The following KDM3A variants were observed in gnomAD, a reference collection of about 807,000 sequenced individuals.
KDM3A encodes the protein lysine demethylase 3A.
A neutral mutation model predicts 158.0 loss-of-function variants in KDM3A; 60 were observed. The ratio of observed to expected loss-of-function variants is 0.38; its 90% CI spans 0.31 to 0.47. The LOEUF is 0.47. KDM3A is among the 20% of genes least tolerant of loss of function. The pLI is 0.99. For missense variants in KDM3A, 1,319 were observed against 1,574.3 expected (o/e 0.84, Z 2.74); for synonymous variants, 608 against 549.3 (o/e 1.11, Z -1.49).
rs781642674 is a variant in KDM3A, at chr2:86,480,349, C to T, written c.2499C>T (p.Asn833=). ...WLADLTSGNV[N]KENKEKQPTM... ...CCGACCTAACCAGCGGGAATGTCAACAAGGAAAACAAGGGTGAGTGTTTCC... is the reference window on the plus strand; with the variant it reads ...CCGACCTAACCAGCGGGAATGTCAATAAGGAAAACAAGGGTGAGTGTTTCC... Residue 833 remains asparagine (N), a synonymous_variant, in exon 16 of 26, where the codon AAC becomes AAT. Transcript: ENST00000312912. 6.2e-7 allele frequency: 1 copy of T among 1,612,182 alleles called. No individual in the cohort carries two copies. The highest frequency in any genetic ancestry group is 1.1e-5 in the South Asian group (1 of 91,038).
chr2:86,466,695 C>G lies in KDM3A; in HGVS notation c.1331C>G (p.Pro444Arg). The G allele has an allele frequency of 6.2e-7, 1 of 1,613,938 alleles. No homozygotes were observed. The highest frequency in any genetic ancestry group is 8.5e-7 in the Non-Finnish European group (1 of 1,179,876). ...CTGCAGAAGCACCTAGAACATGCAC[C>G]TTCCCCATCGGATGTTTCAAATGCA... ...PELQKHLEHA[P>R]SPSDVSNAPE... The change falls in exon 10 of 26, where the codon CCT becomes CGT. Residue 444 changes from proline (P) to arginine (R), a missense_variant. By Grantham distance (103) the Pro-to-Arg change is moderately radical. This residue lies in a region of KDM3A where 652 missense variants were observed against 627.2 expected (regional missense o/e 1.04). Coordinates refer to ENST00000312912, the MANE Select transcript of KDM3A (RefSeq NM_018433.6).
Position 86,457,085 on chromosome 2 carries a change from A to G in KDM3A, c.843+14A>G, listed in dbSNP as rs762890657. 1.4e-6 allele frequency: 2 copies of G among 1,417,784 alleles called. No individual in the cohort carries two copies. The highest frequency in any genetic ancestry group is 1.9e-6 in the Non-Finnish European group (2 of 1,034,302). The allele number at this position is 1,417,784 out of a possible 1,614,324, so 87.8% of individuals were successfully genotyped here. Reference sequence around the variant, plus strand: ...TCTTGCTCTGAGGTAACCTTTATTTATGTCACTTGTGTAAAGCTTTCCTTA... The same window carrying G: ...TCTTGCTCTGAGGTAACCTTTATTTGTGTCACTTGTGTAAAGCTTTCCTTA... On this transcript the variant is annotated intron_variant, in intron 8 of 25. Coordinates refer to ENST00000312912, the MANE Select transcript of KDM3A (RefSeq NM_018433.6).
Position 86,456,426 on chromosome 2 carries a change from T to C in KDM3A, c.557-16T>C. 7.0e-7 allele frequency: 1 copy of C among 1,418,780 alleles called. No homozygotes were observed. Among genetic ancestry groups the C allele is most frequent in the Non-Finnish European group, 9.3e-7 (1 of 1,070,510 alleles). The allele number at this position is 1,418,780 out of a possible 1,614,324, so 87.9% of individuals were successfully genotyped here. The stretch of plus-strand genomic sequence containing the variant: ...GCAAATTGCTCTAAGATTTTTTTTT[T>C]TTTTTTTTTTTTAAGGTGACAAAAA... On this transcript the variant is annotated splice_polypyrimidine_tract_variant and intron_variant, in intron 5 of 25. Transcript: ENST00000312912.
At chr2:86,450,022 A>G in intron 3 of KDM3A, 60 bp downstream of exon 3, 3 of 1,498,516 alleles carry the variant, frequency 2.0e-6, no homozygotes, top group South Asian at 1.3e-5. Flanking sequence ...CATTGTGGGT[A>G]CAAAAGGAAT....
chr2:86,450,844 A>C (rs530487177), intron 3 of KDM3A, among the ~76,000 whole-genome samples: 1 of 152,296 alleles, frequency 6.6e-6, no homozygotes, highest in South Asian at 2.1e-4. Flanking sequence ...TTTTTGCATA[A>C]ATTTTTGGGA....
intron 4 of KDM3A, among the ~76,000 whole-genome samples, chr2:86,451,896 C>T (rs1672487174): frequency 6.6e-6 from 1 of 152,200 alleles, no homozygotes; most frequent in African/African-American, 2.4e-5. Context: ...TGTTTATATA[C>T]ATATATGTGC....
chr2:86,466,472 T>A lies in KDM3A; in HGVS notation c.1108T>A (p.Ser370Thr). 6.2e-7 allele frequency: 1 copy of A among 1,613,912 alleles called. No individual in the cohort carries two copies. Among genetic ancestry groups the A allele is most frequent in the Non-Finnish European group, 8.5e-7 (1 of 1,179,836 alleles). ...KPDVCKAGLL[S>T]KSSQIGTGDL... ...AGATGTCTGCAAAGCAGGGTTGCTC[T>A]CAAAGTCCTCTCAGATTGGAACTGG... The change falls in exon 10 of 26, where the codon TCA becomes ACA. Residue 370 changes from serine to threonine, a missense_variant. Transcript: ENST00000312912.
chr2:86,456,651 T>TA, intron 6 of KDM3A, 85 bp downstream of exon 6: 1 of 1,352,276 alleles, frequency 7.4e-7, no homozygotes, highest in Non-Finnish European at 1.0e-6. Context: ...AGGCACTAAA[T>TA]ACCTTTATTA....
chr2:86,485,641 T>G, intron 20 of KDM3A, 88 bp from the exon 21 acceptor site: 1 of 1,492,706 alleles, frequency 6.7e-7, no homozygotes, highest in East Asian at 2.3e-5. Flanking sequence ...GATTTGTTCC[T>G]TTTGGTGTAG....
chr2:86,460,691 G>GA (rs1158172827), intron 8 of KDM3A: 2 of 152,148 alleles, frequency 1.3e-5, no homozygotes, highest in African/African-American at 2.4e-5. Flanking sequence ...GGTTAGTTGG[G>GA]AAAGAGTCTG....
At chr2:86,449,571 C>G (rs547515799) in intron 2 of KDM3A, among the ~76,000 whole-genome samples, 6 of 152,234 alleles carry the variant, frequency 3.9e-5, no homozygotes, top group Admixed American at 3.9e-4. Context: ...GGGACACAGA[C>G]TGGCCCAAAA....
intron 21 of KDM3A, chr2:86,488,336 CT>C (rs1674288598): frequency 6.6e-6 from 1 of 152,164 alleles, no homozygotes; most frequent in Non-Finnish European, 1.5e-5. Flanking sequence ...CAGCTTTTAA[CT>C]TTTTGCCATA....
chr2:86,488,215 T>A (rs925771806), intron 21 of KDM3A: 6 of 152,202 alleles, frequency 3.9e-5, no homozygotes, highest in African/African-American at 1.4e-4. Context: ...TCTATTACAT[T>A]AATTGCTTTT....
chr2:86,442,237 C>T lies in KDM3A; in HGVS notation c.186+4C>T. 6 of 1,597,754 alleles carry T rather than the reference C, an allele frequency of 3.8e-6. No individual in the cohort carries two copies. In the South Asian group the frequency reaches 4.4e-5, roughly 12 times the overall value. ...CGTTACCAAGAAGGATCTGAAGGTA[C>T]AGGCGGCTCCGGGCCTCTGCCACCG... On this transcript the variant is annotated splice_donor_region_variant and intron_variant, in intron 2 of 25. Coordinates refer to ENST00000312912, the MANE Select transcript of KDM3A (RefSeq NM_018433.6).
At chr2:86,465,649 T>C (rs59183618) in intron 9 of KDM3A, among the ~76,000 whole-genome samples, 20,236 of 152,142 alleles carry the variant, frequency 0.13, 1,472 homozygotes, top group Middle Eastern at 0.16. Context: ...CCTCTAGCAG[T>C]CCTCTCATCT....
At position 86,463,645 on chromosome 2, in the gene KDM3A, C is replaced by A. The variant is rs1673013454; in HGVS notation, c.844-408C>A. ...GAGTCCTATGTGGTCTGGTCTCCTGCCAAACTATGCAGTAAGTGCGTGGTG... is the reference window on the plus strand; with the variant it reads ...GAGTCCTATGTGGTCTGGTCTCCTGACAAACTATGCAGTAAGTGCGTGGTG... On this transcript the variant is annotated intron_variant, in intron 8 of 25. Coordinates refer to ENST00000312912, the MANE Select transcript of KDM3A (RefSeq NM_018433.6). Among the ~76,000 whole-genome samples the A allele has an allele frequency of 2.6e-5, 4 of 152,228 alleles. No individual in the cohort carries two copies. The South Asian group carries it at 8.3e-4, about 31-fold the overall frequency.
intron 8 of KDM3A, 146 bp from the exon 9 acceptor site, chr2:86,463,907 C>T (rs780631140): frequency 2.0e-6 from 1 of 506,648 alleles, no homozygotes; most frequent in Non-Finnish European, 3.4e-6. Flanking sequence ...TATAGTTTAT[C>T]ACTTGTTTCA....
chr2:86,489,297 T>G (rs1558633766), intron 21 of KDM3A, 21 bp from the exon 22 acceptor site: 36 of 1,609,414 alleles, frequency 2.2e-5, no homozygotes, highest in Non-Finnish European at 3.1e-5. Flanking sequence ...TTGTAAAACT[T>G]AAGGCACTTT....
chr2:86,474,702 TGTGTGTGTGTGTGTGTGTGTG>T (rs1673578953), intron 11 of KDM3A, 53 bp from the exon 12 acceptor site: 8 of 401,062 alleles, frequency 2.0e-5, no homozygotes, highest in Middle Eastern at 4.7e-4. Context: ...GTAAATAAGT[TGTGTGTGTGTGTGTGTGTGTG>T]TGTGTGTGTG....
Sources: allele counts gnomAD v4.1 joint callset (sites outside exome capture counted in the v4.1 genomes callset), GRCh38; gene constraint gnomAD v4.1.1; regional missense constraint gnomAD v4.1.1; transcripts MANE v1.5; gene names NCBI Gene and HGNC (gene_info 2026-07-23, HGNC 2026-07-21).